The following GRIK3 variants were observed in gnomAD, a reference collection of about 807,000 sequenced individuals.
GRIK3 encodes glutamate receptor ionotropic, kainate 3.
In GRIK3, 29 loss-of-function variants were observed where a neutral mutation model predicts 102.5. That is an observed-to-expected ratio of 0.28 (90% CI 0.21 to 0.39). The LOEUF (loss-of-function observed/expected upper bound fraction) is 0.39, where lower values mean the gene tolerates loss of function less well. Ranked by LOEUF, GRIK3 falls within the 10% of genes least tolerant of loss-of-function variation. The pLI, the probability that GRIK3 is intolerant of heterozygous loss-of-function variation, is 1.00. For synonymous variants in GRIK3, 511 were observed against 504.9 expected (o/e 1.01, Z -0.16); for missense variants, 908 against 1,252.4 (o/e 0.73, Z 4.15).
chr1:36,935,027 G>A (rs1367944384), intron 1 of GRIK3, among the ~76,000 whole-genome samples: 1 of 152,032 alleles, frequency 6.6e-6, no homozygotes, highest in Non-Finnish European at 1.5e-5. Context: ...CCTCCCCATT[G>A]CCCACCAGCC....
intron 1 of GRIK3, among the ~76,000 whole-genome samples, chr1:36,970,450 C>G (rs1206101398): frequency 6.6e-6 from 1 of 152,178 alleles, no homozygotes; most frequent in South Asian, 2.1e-4. Context: ...CTGGGTCATT[C>G]TATGCACCAT....
chr1:37,009,922 C>T (rs1486211067), intron 1 of GRIK3, among the ~76,000 whole-genome samples: 1 of 151,952 alleles, frequency 6.6e-6, no homozygotes, highest in Non-Finnish European at 1.5e-5. Context: ...GTGGCCTATG[C>T]CCTGTTAATG....
rs78688835 is a variant in GRIK3, at chr1:36,884,343, G to C, written c.293-3452C>G. Among the ~76,000 whole-genome samples, 30 of 152,286 alleles carry C rather than the reference G, an allele frequency of 2.0e-4. No homozygotes were observed. The East Asian group carries it at 5.4e-3, about 27-fold the overall frequency. On this transcript the variant is annotated intron_variant, in intron 2 of 15. Coordinates refer to ENST00000373091, the MANE Select transcript of GRIK3 (RefSeq NM_000831.4). ...TTTGCTGGTGAATTGTCAAATTTAGGACTAGTTCTTTTTTCAGTTCCCTCT... is the reference window on the plus strand; with the variant it reads ...TTTGCTGGTGAATTGTCAAATTTAGCACTAGTTCTTTTTTCAGTTCCCTCT...
At position 36,937,595 on chromosome 1, in the gene GRIK3, G is replaced by C. The variant is rs371398346; in HGVS notation, c.116-46499C>G. ...GTGCCTCACATGCCTAAATGATTAC[G>C]GGCAGGGAGCAGCGGTGGAGCAGAG... is the stretch of plus-strand genomic sequence containing the variant. On this transcript the variant is annotated intron_variant, in intron 1 of 15. Coordinates refer to ENST00000373091, the MANE Select transcript of GRIK3 (RefSeq NM_000831.4). Among the ~76,000 whole-genome samples the C allele has an allele frequency of 1.1e-4, 16 of 152,206 alleles. No homozygotes were observed. In the East Asian group the frequency reaches 1.3e-3, roughly 13 times the overall value.
intron 7 of GRIK3, among the ~76,000 whole-genome samples, chr1:36,858,542 G>A (rs192933047): frequency 9.2e-5 from 14 of 152,314 alleles, no homozygotes; most frequent in Admixed American, 8.5e-4. Flanking sequence ...CTCCATTGAT[G>A]GGGTTTTCCA....
chr1:36,971,445 C>T (rs11263954), intron 1 of GRIK3, among the ~76,000 whole-genome samples: 22,081 of 152,086 alleles, frequency 0.15, 2,269 homozygotes, highest in African/African-American at 0.29. Context: ...ACCAGTCTAC[C>T]CCTAGACTGC....
At position 36,830,832 on chromosome 1, in the gene GRIK3, A is replaced by G. The variant is rs868319109; in HGVS notation, c.1531-5006T>C. 9.7e-3 allele frequency among the ~76,000 whole-genome samples: 1,463 copies of G among 150,238 alleles called. 35 individuals are homozygous for G. Among genetic ancestry groups the G allele is most frequent in the African/African-American group, 0.034 (1,396 of 40,684 alleles). On this transcript the variant is annotated intron_variant, in intron 10 of 15. Transcript: ENST00000373091. Reference sequence around the variant, plus strand: ...TCTCAAAAAAAAAAAAAAAAAAAAAAAAAAGAAAAGAGGATGCACAGATAC... The same window carrying G: ...TCTCAAAAAAAAAAAAAAAAAAAAAGAAAAGAAAAGAGGATGCACAGATAC...
intron 1 of GRIK3, among the ~76,000 whole-genome samples, chr1:36,957,880 GC>G (rs1159858730): frequency 0.025 from 1,820 of 73,490 alleles, 471 homozygotes; most frequent in East Asian, 0.051. Context: ...GTGACTCTGT[GC>G]CCCTGAGTCT....
chr1:36,959,752 T>TGC, intron 1 of GRIK3, among the ~76,000 whole-genome samples: 1 of 116,170 alleles, frequency 8.6e-6, no homozygotes, highest in East Asian at 3.8e-4. Context: ...TGCGCCCCAT[T>TGC]GAGTCTGTGT....
intron 12 of GRIK3, among the ~76,000 whole-genome samples, chr1:36,818,531 T>C (rs1642655825): frequency 6.6e-6 from 1 of 152,230 alleles, no homozygotes; most frequent in Non-Finnish European, 1.5e-5. Flanking sequence ...AGTCACTTGA[T>C]TGCTGAGTTC....
At chr1:36,991,555 G>A (rs1642363319) in intron 1 of GRIK3, among the ~76,000 whole-genome samples, 1 of 152,200 alleles carries the variant, frequency 6.6e-6, no homozygotes, top group Non-Finnish European at 1.5e-5. Flanking sequence ...ATGAAATCAG[G>A]CTCGGGTGTG....
intron 5 of GRIK3, among the ~76,000 whole-genome samples, chr1:36,867,812 G>A (rs904490429): frequency 8.6e-5 from 13 of 151,980 alleles, no homozygotes; most frequent in African/African-American, 3.1e-4. Context: ...ACCCCCTCTG[G>A]GCCTTGCTCC....
At chr1:36,971,856 T>C (rs1479786672) in intron 1 of GRIK3, among the ~76,000 whole-genome samples, 3 of 152,174 alleles carry the variant, frequency 2.0e-5, no homozygotes, top group Non-Finnish European at 4.4e-5. Flanking sequence ...AGCCACATTA[T>C]ATAAACGGGC....
intron 2 of GRIK3, among the ~76,000 whole-genome samples, chr1:36,885,354 A>G (rs562276513): frequency 6.6e-6 from 1 of 152,134 alleles, no homozygotes; most frequent in South Asian, 2.1e-4. Flanking sequence ...GATGATGAAG[A>G]TGTTGCTGTC....
intron 1 of GRIK3, among the ~76,000 whole-genome samples, chr1:36,903,069 G>A (rs1641248722): frequency 6.6e-6 from 1 of 152,110 alleles, no homozygotes; most frequent in African/African-American, 2.4e-5. Flanking sequence ...GGATTACCGT[G>A]AGCCACCACG....
At chr1:37,032,865 G>C (rs1308389169) in intron 1 of GRIK3, among the ~76,000 whole-genome samples, 1 of 152,182 alleles carries the variant, frequency 6.6e-6, no homozygotes, top group African/African-American at 2.4e-5. Context: ...AACCAAGCCC[G>C]ACACCGGTTC....
intron 1 of GRIK3, among the ~76,000 whole-genome samples, chr1:36,914,689 G>A (rs752368273): frequency 3.3e-5 from 5 of 152,212 alleles, no homozygotes; most frequent in Admixed American, 1.3e-4. Context: ...GAATAAGAAA[G>A]TACAACGGTG....
intron 10 of GRIK3, among the ~76,000 whole-genome samples, chr1:36,838,162 C>T (rs116278941): frequency 3.3e-4 from 51 of 152,280 alleles, no homozygotes; most frequent in Non-Finnish European, 5.3e-4. Context: ...CATTTTGGTG[C>T]CATATCTCAT....
chr1:36,907,936 G>A (rs1444069296), intron 1 of GRIK3, among the ~76,000 whole-genome samples: 1 of 152,082 alleles, frequency 6.6e-6, no homozygotes, highest in Admixed American at 6.5e-5. Context: ...CCAGGAGGAG[G>A]GGTCACTCAC....
Sources: allele counts gnomAD v4.1 joint callset (sites outside exome capture counted in the v4.1 genomes callset), GRCh38; gene constraint gnomAD v4.1.1; transcripts MANE v1.5; gene names NCBI Gene and HGNC (gene_info 2026-07-23, HGNC 2026-07-21).